Variants in THPO observed in about 807,000 individuals in gnomAD.
THPO encodes the protein thrombopoietin, also known as MPL ligand.
In THPO, 12 loss-of-function variants were observed where a neutral mutation model predicts 17.0. The ratio of observed to expected loss-of-function variants is 0.71; its 90% CI spans 0.45 to 1.14. The LOEUF (loss-of-function observed/expected upper bound fraction) is 1.14. Among genes scored for constraint, THPO ranks in the 50% most tolerant of loss-of-function variants. The probability of loss-of-function intolerance (pLI) is 0.00; values close to 1 mark genes in which losing one functional copy is unlikely to be tolerated. For synonymous variants in THPO, 188 were observed against 183.0 expected, an observed-to-expected ratio of 1.03 and a Z score of -0.22; for missense variants, 365 against 427.5, an observed-to-expected ratio of 0.85 and a Z score of 1.29.
At chr3:184,378,934 T>G (rs1714716076), upstream of THPO, 2 of 912,580 alleles carry the variant, frequency 2.2e-6, no homozygotes, top group African/African-American at 3.6e-5. Context: ...CTGCTGGACC[T>G]CCCCCGCAAA....
chr3:184,376,642 C>T (rs1185348529), intron 1 of THPO, among the ~76,000 whole-genome samples: 1 of 151,956 alleles, frequency 6.6e-6, no homozygotes, highest in Non-Finnish European at 1.5e-5. Flanking sequence ...GTCAGGAGTT[C>T]GCCACCAGCC....
Position 184,376,411 on chromosome 3 carries a change from G to A in THPO, c.-145-7C>T. The A allele has an allele frequency of 1.3e-6, 2 of 1,571,738 alleles. No individual in the cohort carries two copies. The highest frequency in any genetic ancestry group is 1.9e-5 in the Admixed American group (1 of 53,446). On this transcript the variant is annotated splice_region_variant and splice_polypyrimidine_tract_variant and intron_variant, in intron 1 of 5. Coordinates refer to ENST00000647395, the MANE Select transcript of THPO (RefSeq NM_000460.4). ...CAAGGGTGAAGAATCTATCCTGAAA[G>A]TAGCAAGAAGAGTGAACATTTAACC...
At chr3:184,378,423 C>G, upstream of THPO, 1 of 983,162 alleles carries the variant, frequency 1.0e-6, no homozygotes, top group Non-Finnish European at 1.2e-6. Context: ...AGGAATCTGG[C>G]AGGACATTTG....
Position 184,375,855 on chromosome 3 carries a change from G to A in THPO, c.141+33C>T, listed in dbSNP as rs201591184. The A allele has an allele frequency of 4.7e-5, 75 of 1,612,118 alleles. No individual in the cohort carries two copies. In the African/African-American group the frequency reaches 8.4e-4, roughly 18 times the overall value. On this transcript the variant is annotated intron_variant, in intron 3 of 5. Coordinates refer to ENST00000647395, the MANE Select transcript of THPO (RefSeq NM_000460.4). Reference sequence around the variant, plus strand: ...GGAGTATGGGTGTCTTACCAGTTACGCGGATAAAGGGGATAATGTTGGGAG... The same window carrying A: ...GGAGTATGGGTGTCTTACCAGTTACACGGATAAAGGGGATAATGTTGGGAG...
At chr3:184,373,228 G>A in intron 5 of THPO, 50 bp from the exon 6 acceptor site, 3 of 1,603,890 alleles carry the variant, frequency 1.9e-6, no homozygotes, top group Non-Finnish European at 2.5e-6. Context: ...CAGATCTCAG[G>A]CCTCCCTTGT....
intron 1 of THPO, among the ~76,000 whole-genome samples, chr3:184,376,845 CAAA>C (rs577828569): frequency 1.5e-5 from 2 of 131,570 alleles, no homozygotes; most frequent in Admixed American, 7.8e-5. Flanking sequence ...AACTCCGTCT[CAAA>C]AAAAAAAAAG....
At chr3:184,377,717 C>T (rs575394033) in intron 1 of THPO, among the ~76,000 whole-genome samples, 4 of 152,280 alleles carry the variant, frequency 2.6e-5, no homozygotes, top group Admixed American at 6.5e-5. Flanking sequence ...CTTAAGCTAA[C>T]GAGGAATGAC....
chr3:184,376,454 C>A, intron 1 of THPO, 50 bp from the exon 2 acceptor site: 1 of 1,470,424 alleles, frequency 6.8e-7, no homozygotes. Context: ...TAGGAAGAGA[C>A]TGCCTGGCAG....
chr3:184,376,207 A>T (rs184044798), intron 2 of THPO, 40 bp downstream of exon 2: 2 of 1,613,470 alleles, frequency 1.2e-6, no homozygotes, highest in African/African-American at 1.3e-5. Flanking sequence ...CCCTTCTGTC[A>T]TGTTTCCATA....
chr3:184,372,975 A>T lies in THPO; in HGVS notation c.600T>A (p.Ser200=), dbSNP rs771114798. The change falls in exon 6 of 6, where the codon TCT becomes TCA. Residue 200 remains serine, a synonymous_variant. Transcript: ENST00000647395. ...CAGTGAAGTTTGTCTCCAACAATCC[A>T]GAAGTCCTGTTTGGGAGCTCGTTCA... ...LTLNELPNRT[S]GLLETNFTAS... 6.2e-7 allele frequency: 1 copy of T among 1,614,190 alleles called. No homozygotes were observed. Among genetic ancestry groups the T allele is most frequent in the East Asian group, 2.2e-5 (1 of 44,878 alleles).
chr3:184,376,976 A>T (rs1714471872), intron 1 of THPO, among the ~76,000 whole-genome samples: 1 of 152,228 alleles, frequency 6.6e-6, no homozygotes, highest in African/African-American at 2.4e-5. Flanking sequence ...GCAGCAGGAC[A>T]TGATATGTAT....
chr3:184,375,048 A>T (rs139307756), intron 4 of THPO, among the ~76,000 whole-genome samples: 1 of 152,318 alleles, frequency 6.6e-6, no homozygotes, highest in South Asian at 2.1e-4. Flanking sequence ...TCGGCCTCCC[A>T]AAGTGCTGGG....
Position 184,376,248 on chromosome 3 carries a change from A to T in THPO, c.12T>A (p.Thr4=). The change falls in exon 2 of 6, where the codon ACT becomes ACA. Residue 4 remains threonine, a splice_region_variant and synonymous_variant. Transcript: ENST00000647395. MEL[T]ELLLVVMLLL... is the part of the protein sequence containing the mutation. ...CTAGCCCCTCAGGTGTGTTCTCACC[A>T]GTCAGCTCCATTCTGGCCGGGGTGT... is the stretch of plus-strand genomic sequence containing the variant. 6.2e-7 allele frequency: 1 copy of T among 1,614,056 alleles called. No individual in the cohort carries two copies. The highest frequency in any genetic ancestry group is 8.5e-7 in the Non-Finnish European group (1 of 1,179,996).
At chr3:184,376,055 A>G in intron 2 of THPO, 40 bp from the exon 3 acceptor site, 1 of 1,613,402 alleles carries the variant, frequency 6.2e-7, no homozygotes, top group South Asian at 1.1e-5. Context: ...TGAGGAGGAA[A>G]TCATTGTCAG....
At position 184,373,174 on chromosome 3, in the gene THPO, G is replaced by A. The variant is rs778918963; in HGVS notation, c.401C>T (p.Pro134Leu). The change falls in exon 6 of 6, where the codon CCT becomes CTT. Residue 134 changes from proline to leucine, a missense_variant. Physicochemically the swap from Pro to Leu is moderately conservative, Grantham distance 98. Coordinates refer to ENST00000647395, the MANE Select transcript of THPO (RefSeq NM_000460.4). ...GTGAGCTGTGGTCCTGCCCTGTGGA[G>A]GAAGCTGAGGGCAGAGGATGGTCCT... ...ALQSLLGTQLPPQGRTTAHKD... is the reference protein window; with the variant it reads ...ALQSLLGTQLLPQGRTTAHKD... 1 of 1,610,952 alleles carries A rather than the reference G, an allele frequency of 6.2e-7. No homozygotes were observed. Among genetic ancestry groups the A allele is most frequent in the South Asian group, 1.1e-5 (1 of 91,066 alleles).
chr3:184,378,021 C>A (rs931829718), intron 1 of THPO, 54 bp downstream of exon 1: 1 of 984,276 alleles, frequency 1.0e-6, no homozygotes. Flanking sequence ...GAGCCCATTT[C>A]TCTTTGCTGT....
At chr3:184,378,756 G>C (rs1011966868), upstream of THPO, 5 of 974,898 alleles carry the variant, frequency 5.1e-6, no homozygotes, top group Non-Finnish European at 6.1e-6. Context: ...TTAAGCCTGA[G>C]CTTAGGTGCT....
At chr3:184,374,845 T>C (rs1560284763) in intron 4 of THPO, among the ~76,000 whole-genome samples, 1 of 152,116 alleles carries the variant, frequency 6.6e-6, no homozygotes, top group Non-Finnish European at 1.5e-5. Flanking sequence ...CTGGAGTGCA[T>C]TGGCATGATC....
intron 4 of THPO, 86 bp from the exon 5 acceptor site, chr3:184,373,668 T>C (rs1714154401): frequency 6.9e-7 from 1 of 1,457,816 alleles, no homozygotes; most frequent in African/African-American, 1.4e-5. Flanking sequence ...GCCAGCAGAG[T>C]GAATCATACA....
Sources: allele counts gnomAD v4.1 joint callset (sites outside exome capture counted in the v4.1 genomes callset), GRCh38; gene constraint gnomAD v4.1.1; transcripts MANE v1.5; gene names NCBI Gene and HGNC (gene_info 2026-07-23, HGNC 2026-07-21).